Variants in R3HDM2 observed in about 807,000 individuals in gnomAD.
R3HDM2 encodes the protein R3H domain containing 2, also known as R3H domain-containing protein 2.
A neutral mutation model predicts 124.5 loss-of-function variants in R3HDM2; 38 were observed. That is an observed-to-expected ratio of 0.31 (90% confidence interval 0.24 to 0.40). The LOEUF is 0.40. Among genes scored for constraint, R3HDM2 ranks in the 10% least tolerant of loss-of-function variants. R3HDM2 has a pLI of 1.00. For synonymous variants in R3HDM2, 391 were observed against 448.0 expected (o/e 0.87, Z 1.61); for missense variants, 869 against 1,236.9 (o/e 0.70, Z 4.46).
intron 7 of R3HDM2, 22 bp downstream of exon 7, chr12:57,298,068 C>T: frequency 1.3e-6 from 2 of 1,525,694 alleles, no homozygotes; most frequent in East Asian, 2.5e-5. Flanking sequence ...CCCTTTTCCT[C>T]TTATACCCAT....
At chr12:57,288,725 G>A in intron 12 of R3HDM2, 1 of 770,824 alleles carries the variant, frequency 1.3e-6, no homozygotes, top group Middle Eastern at 3.8e-4. Flanking sequence ...AATATCCAAT[G>A]TTGCAAAAAC....
At chr12:57,318,371 G>T (rs1361099174) in intron 2 of R3HDM2, among the ~76,000 whole-genome samples, 1 of 151,924 alleles carries the variant, frequency 6.6e-6, no homozygotes, top group African/African-American at 2.4e-5. Context: ...TGACAGGCTG[G>T]GTGGTGCAGT....
chr12:57,268,778 G>T, intron 17 of R3HDM2, 144 bp downstream of exon 17: 1 of 1,048,664 alleles, frequency 9.5e-7, no homozygotes, highest in South Asian at 1.7e-5. Flanking sequence ...TGGGCTTTCC[G>T]TTATAGGAAA....
chr12:57,360,036 T>TATATAA (rs1555287262), intron 2 of R3HDM2, among the ~76,000 whole-genome samples: 1 of 78,408 alleles, frequency 1.3e-5, no homozygotes, highest in Admixed American at 1.8e-4. Context: ...CACATATATA[T>TATATAA]ATATATATAT....
chr12:57,366,936 C>T (rs1346588906), intron 2 of R3HDM2, among the ~76,000 whole-genome samples: 1 of 152,210 alleles, frequency 6.6e-6, no homozygotes, highest in Non-Finnish European at 1.5e-5. Flanking sequence ...ATCCGCCCGC[C>T]TTTGCCTCCC....
At chr12:57,406,321 C>CAAAAA (rs371243114) in intron 1 of R3HDM2, among the ~76,000 whole-genome samples, 2 of 55,360 alleles carry the variant, frequency 3.6e-5, no homozygotes, top group Non-Finnish European at 3.7e-5. Flanking sequence ...AACTCCGTCT[C>CAAAAA]AAAAAAAAAA....
chr12:57,418,430 C>A lies in R3HDM2; in HGVS notation c.-106+12290G>T, dbSNP rs544147755. The A allele has an allele frequency of 1.2e-5, 8 of 651,918 alleles. 1 individual carries two copies. The South Asian group carries it at 4.8e-4, about 39-fold the overall frequency. The allele number at this position is 651,918 out of a possible 1,614,324, so 40.4% of individuals were successfully genotyped here. On this transcript the variant is annotated intron_variant, in intron 1 of 23. Coordinates refer to ENST00000402412, the MANE Select transcript of R3HDM2 (RefSeq NM_001394031.1). ...GCTGCCGTTGGTCTTTGTCCTTGTA[C>A]AACTAAAAGTCTTTAGCCTATCTTT...
At chr12:57,300,245 G>T in intron 4 of R3HDM2, 64 bp from the exon 5 acceptor site, 1 of 1,348,710 alleles carries the variant, frequency 7.4e-7, no homozygotes, top group Non-Finnish European at 1.0e-6. Context: ...TTCCCTCGGT[G>T]AACATTCAGA....
At chr12:57,412,170 T>C (rs1171664761) in intron 1 of R3HDM2, among the ~76,000 whole-genome samples, 1 of 152,218 alleles carries the variant, frequency 6.6e-6, no homozygotes, top group African/African-American at 2.4e-5. Context: ...ACATCCTAAC[T>C]TCATATGAGT....
At chr12:57,366,566 C>A (rs569464397) in intron 2 of R3HDM2, among the ~76,000 whole-genome samples, 2 of 152,132 alleles carry the variant, frequency 1.3e-5, no homozygotes, top group East Asian at 1.9e-4. Context: ...GTCCTCATTA[C>A]GGACTGTGTT....
chr12:57,318,882 T>G (rs1261354113), intron 2 of R3HDM2, among the ~76,000 whole-genome samples: 1 of 152,186 alleles, frequency 6.6e-6, no homozygotes, highest in African/African-American at 2.4e-5. Context: ...AACACTTTGC[T>G]TAAAAGGGCA....
chr12:57,366,044 A>C (rs6581141), intron 2 of R3HDM2, among the ~76,000 whole-genome samples: 148,272 of 152,326 alleles, frequency 0.97, 72,295 homozygotes, highest in Middle Eastern at 1. Flanking sequence ...GCCATTATTT[A>C]TTCAAATATT....
intron 2 of R3HDM2, among the ~76,000 whole-genome samples, chr12:57,385,729 G>A (rs1180143058): frequency 6.6e-6 from 1 of 152,008 alleles, no homozygotes; most frequent in Non-Finnish European, 1.5e-5. Context: ...TATGAGATGT[G>A]TGTAATGACT....
At chr12:57,429,247 C>T (rs1356133952) in intron 1 of R3HDM2, among the ~76,000 whole-genome samples, 1 of 151,738 alleles carries the variant, frequency 6.6e-6, no homozygotes, top group Non-Finnish European at 1.5e-5. Context: ...TGAAGCTCTA[C>T]TAATCATATA....
intron 2 of R3HDM2, among the ~76,000 whole-genome samples, chr12:57,350,589 T>C (rs1385026054): frequency 6.6e-6 from 1 of 152,044 alleles, no homozygotes; most frequent in African/African-American, 2.4e-5. Context: ...GCTATGATTG[T>C]ACCACTGCAC....
At chr12:57,315,862 ACAGT>A (rs2054898554) in intron 2 of R3HDM2, among the ~76,000 whole-genome samples, 1 of 152,188 alleles carries the variant, frequency 6.6e-6, no homozygotes, top group Admixed American at 6.6e-5. Context: ...GCTCACGCCT[ACAGT>A]CAGAGCACTT....
intron 2 of R3HDM2, among the ~76,000 whole-genome samples, chr12:57,371,215 C>G (rs564053601): frequency 6.7e-6 from 1 of 148,260 alleles, no homozygotes; most frequent in Admixed American, 6.8e-5. Context: ...CCTTTTTCTG[C>G]CTACAGTAAC....
intron 20 of R3HDM2, among the ~76,000 whole-genome samples, chr12:57,258,553 C>G (rs2039797237): frequency 6.6e-6 from 1 of 152,004 alleles, no homozygotes; most frequent in African/African-American, 2.4e-5. Flanking sequence ...CCACGTTGGT[C>G]TCAAACTCCT....
chr12:57,413,845 CCCT>C (rs1474548924), intron 1 of R3HDM2, among the ~76,000 whole-genome samples: 2 of 121,402 alleles, frequency 1.6e-5, no homozygotes, highest in South Asian at 3.2e-4. Context: ...GTAATCCCCC[CCCT>C]TTTTTTTTTT....
Sources: allele counts gnomAD v4.1 joint callset (sites outside exome capture counted in the v4.1 genomes callset), GRCh38; gene constraint gnomAD v4.1.1; transcripts MANE v1.5; gene names NCBI Gene and HGNC (gene_info 2026-07-23, HGNC 2026-07-21).